The following ERBB4 variants were observed in gnomAD, a reference collection of about 807,000 sequenced individuals.
The protein encoded by ERBB4 is erb-b2 receptor tyrosine kinase 4, also known as receptor tyrosine-protein kinase erbB-4.
In ERBB4, 42 loss-of-function variants were observed where a neutral mutation model predicts 158.0. The observed-to-expected ratio is 0.27, with a 90% CI of 0.21 to 0.34. The LOEUF (loss-of-function observed/expected upper bound fraction) is 0.34, where lower values mean the gene tolerates loss of function less well. Ranked by LOEUF, ERBB4 falls within the 10% of genes least tolerant of loss-of-function variation. The probability of loss-of-function intolerance (pLI) is 1.00; values close to 1 mark genes in which losing one functional copy is unlikely to be tolerated. For synonymous variants in ERBB4, 583 were observed against 558.7 expected (o/e 1.04, Z -0.61); for missense variants, 1,333 against 1,624.1 (o/e 0.82, Z 3.08).
At chr2:212,248,505 T>A (rs946261152) in intron 1 of ERBB4, among the ~76,000 whole-genome samples, 2 of 152,174 alleles carry the variant, frequency 1.3e-5, no homozygotes, top group African/African-American at 4.8e-5. Flanking sequence ...ATGCTGTATA[T>A]GATTCTTAAC....
At chr2:211,718,065 C>T (rs909043072) in intron 7 of ERBB4, among the ~76,000 whole-genome samples, 1 of 152,058 alleles carries the variant, frequency 6.6e-6, no homozygotes, top group African/African-American at 2.4e-5. Flanking sequence ...GTGTGTGCCA[C>T]CACGACCGGA....
chr2:211,824,950 G>A (rs1211897011), intron 3 of ERBB4, among the ~76,000 whole-genome samples: 4 of 151,752 alleles, frequency 2.6e-5, no homozygotes, highest in Admixed American at 6.6e-5. Context: ...TTCTACACTA[G>A]GGTACAGTAA....
intron 1 of ERBB4, among the ~76,000 whole-genome samples, chr2:212,160,998 T>G (rs968916450): frequency 6.6e-6 from 1 of 151,880 alleles, no homozygotes; most frequent in Non-Finnish European, 1.5e-5. Flanking sequence ...GAAATAAAAT[T>G]AGAAAGAAAA....
At chr2:211,673,582 T>C (rs576582114) in intron 13 of ERBB4, among the ~76,000 whole-genome samples, 14 of 145,684 alleles carry the variant, frequency 9.6e-5, no homozygotes, top group African/African-American at 3.3e-4. Flanking sequence ...TTTACCTTTT[T>C]AAATAGGGCT....
At chr2:211,524,372 C>G (rs576642692) in intron 20 of ERBB4, among the ~76,000 whole-genome samples, 4,461 of 150,774 alleles carry the variant, frequency 0.03, 233 homozygotes, top group African/African-American at 0.11. Context: ...CCACGCCATG[C>G]GCCCACACTC....
chr2:211,580,243 C>T (rs1049032696), intron 19 of ERBB4, among the ~76,000 whole-genome samples: 1 of 152,220 alleles, frequency 6.6e-6, no homozygotes, highest in Non-Finnish European at 1.5e-5. Context: ...ACAATCTATA[C>T]ATCTGACAGA....
intron 1 of ERBB4, among the ~76,000 whole-genome samples, chr2:212,483,543 A>C (rs1359044159): frequency 1.3e-5 from 2 of 152,204 alleles, no homozygotes; most frequent in Non-Finnish European, 2.9e-5. Flanking sequence ...TTTCAGACCC[A>C]ATAGCCAATG....
At chr2:211,588,012 A>C (rs2068339140) in intron 19 of ERBB4, among the ~76,000 whole-genome samples, 2 of 152,194 alleles carry the variant, frequency 1.3e-5, no homozygotes, top group African/African-American at 4.8e-5. Flanking sequence ...ACAGAGTGTA[A>C]TGATCTACAG....
chr2:212,098,985 A>T (rs967774742), intron 2 of ERBB4, among the ~76,000 whole-genome samples: 10 of 152,068 alleles, frequency 6.6e-5, no homozygotes, highest in Middle Eastern at 3.4e-3. Context: ...TATGCATATT[A>T]AAAGGCTACT....
chr2:211,517,552 T>C (rs894914376), intron 20 of ERBB4, among the ~76,000 whole-genome samples: 5 of 152,162 alleles, frequency 3.3e-5, no homozygotes, highest in African/African-American at 9.6e-5. Flanking sequence ...GATAGCTTTT[T>C]TCCTTTGCCT....
chr2:212,372,337 T>C (rs1200828969), intron 1 of ERBB4, among the ~76,000 whole-genome samples: 3 of 152,298 alleles, frequency 2.0e-5, no homozygotes, highest in East Asian at 1.9e-4. Flanking sequence ...TATGGAACTA[T>C]AGCACATTTG....
chr2:212,477,186 T>C (rs541981519), intron 1 of ERBB4, among the ~76,000 whole-genome samples: 2 of 152,052 alleles, frequency 1.3e-5, no homozygotes, highest in African/African-American at 4.8e-5. Flanking sequence ...GAAATAGAAA[T>C]AAAAATGACA....
chr2:212,376,689 T>C (rs2090333574), intron 1 of ERBB4, among the ~76,000 whole-genome samples: 4 of 152,070 alleles, frequency 2.6e-5, no homozygotes, highest in Admixed American at 2.6e-4. Flanking sequence ...GTTAATGATG[T>C]AAGAAAGACT....
chr2:212,403,922 C>A (rs1161613267), intron 1 of ERBB4, among the ~76,000 whole-genome samples: 1 of 151,992 alleles, frequency 6.6e-6, no homozygotes, highest in Admixed American at 6.6e-5. Context: ...CTTCTTTAGG[C>A]AGGCCTGCTA....
intron 2 of ERBB4, among the ~76,000 whole-genome samples, chr2:211,948,465 C>T (rs1332372065): frequency 7.6e-6 from 1 of 131,004 alleles, no homozygotes; most frequent in Non-Finnish European, 1.6e-5. Context: ...AAAAAAAAAC[C>T]TAATTGTTGT....
intron 25 of ERBB4, among the ~76,000 whole-genome samples, chr2:211,413,952 G>A (rs942290291): frequency 2.6e-5 from 4 of 151,288 alleles, no homozygotes; most frequent in South Asian, 2.1e-4. Context: ...TGGATAAGGC[G>A]CAAATTCCTG....
chr2:211,754,997 G>A (rs886828545), intron 4 of ERBB4, among the ~76,000 whole-genome samples: 4 of 151,920 alleles, frequency 2.6e-5, no homozygotes, highest in African/African-American at 7.3e-5. Context: ...CACTGCGCCC[G>A]GCCTGCTATA....
chr2:211,775,158 A>G (rs989761129), intron 4 of ERBB4, among the ~76,000 whole-genome samples: 2 of 152,190 alleles, frequency 1.3e-5, no homozygotes, highest in Non-Finnish European at 2.9e-5. Flanking sequence ...CTAAGGTTCT[A>G]TCTTGGACAA....
rs540287874 is a variant in ERBB4, at chr2:211,462,836, A to G, written c.2488-31736T>C. On this transcript the variant is annotated intron_variant, in intron 20 of 27. Transcript: ENST00000342788. ...TTCATATTGAATCTGAAATTATACT[A>G]GAGTTCAAAATCAATGTTTTTGTTT... 1.3e-3 allele frequency among the ~76,000 whole-genome samples: 204 copies of G among 152,328 alleles called. 1 individual carries two copies. Among genetic ancestry groups the G allele is most frequent in the Non-Finnish European group, 1.8e-3 (124 of 68,032 alleles).
Sources: allele counts gnomAD v4.1 joint callset (sites outside exome capture counted in the v4.1 genomes callset), GRCh38; gene constraint gnomAD v4.1.1; transcripts MANE v1.5; gene names NCBI Gene and HGNC (gene_info 2026-07-23, HGNC 2026-07-21).